The following ZNF521 variants were observed in gnomAD, a reference collection of about 807,000 sequenced individuals.
ZNF521 encodes the protein zinc finger protein 521.
In ZNF521, 14 loss-of-function variants were observed where a neutral mutation model predicts 105.5. The ratio of observed to expected loss-of-function variants is 0.13; its 90% CI spans 0.09 to 0.21. ZNF521 has a LOEUF of 0.21. Ranked by LOEUF, ZNF521 falls within the 10% of genes least tolerant of loss-of-function variation. ZNF521 has a pLI of 1.00. For synonymous variants in ZNF521, 635 were observed against 606.0 expected (o/e 1.05, Z -0.70); for missense variants, 1,233 against 1,629.7 (o/e 0.76, Z 4.19).
At chr18:25,148,809 A>C (rs1455268899) in intron 5 of ZNF521, among the ~76,000 whole-genome samples, 1 of 152,210 alleles carries the variant, frequency 6.6e-6, no homozygotes, top group Admixed American at 6.5e-5. Flanking sequence ...TGATATTTTA[A>C]TGCTTAACAT....
chr18:25,151,543 A>G (rs1352676066), intron 5 of ZNF521, among the ~76,000 whole-genome samples: 1 of 152,184 alleles, frequency 6.6e-6, no homozygotes, highest in African/African-American at 2.4e-5. Flanking sequence ...AACTTTGAAG[A>G]CTGGACCAGG....
chr18:25,141,873 G>A (rs906878387), intron 5 of ZNF521, among the ~76,000 whole-genome samples: 5 of 152,096 alleles, frequency 3.3e-5, no homozygotes, highest in South Asian at 2.1e-4. Flanking sequence ...TACGACTGTC[G>A]GTGACCAGTG....
chr18:25,124,536 T>C (rs888896977), intron 5 of ZNF521, among the ~76,000 whole-genome samples: 5 of 152,178 alleles, frequency 3.3e-5, no homozygotes, highest in Non-Finnish European at 7.4e-5. Flanking sequence ...CCATCCTTTA[T>C]TTTTTGCTTC....
chr18:25,222,397 T>C (rs1346954202), intron 4 of ZNF521, among the ~76,000 whole-genome samples: 1 of 152,170 alleles, frequency 6.6e-6, no homozygotes, highest in Non-Finnish European at 1.5e-5. Flanking sequence ...AAATATTTCC[T>C]CTTAGATGTT....
At chr18:25,166,921 C>A (rs1255331832) in intron 5 of ZNF521, among the ~76,000 whole-genome samples, 1 of 152,166 alleles carries the variant, frequency 6.6e-6, no homozygotes, top group Non-Finnish European at 1.5e-5. Context: ...TATTATTGAG[C>A]TAATATGCTA....
chr18:25,150,891 C>CTTTTTTT (rs559303954), intron 5 of ZNF521, among the ~76,000 whole-genome samples: 4 of 132,200 alleles, frequency 3.0e-5, no homozygotes, highest in African/African-American at 2.8e-5. Context: ...TTTCTTTTTT[C>CTTTTTTT]TTTTTTTTTT....
At position 25,195,259 on chromosome 18, in the gene ZNF521, A is replaced by T; in HGVS notation, c.3574-15T>A. The stretch of plus-strand genomic sequence containing the variant: ...TAGGTCTTCTTCTGAGAAAACAAGT[A>T]TAAACAGAGTTACTTAGACACATGG... On this transcript the variant is annotated splice_polypyrimidine_tract_variant and intron_variant, in intron 4 of 7. Coordinates refer to ENST00000361524, the MANE Select transcript of ZNF521 (RefSeq NM_015461.3). 6.4e-7 allele frequency: 1 copy of T among 1,557,958 alleles called. No individual in the cohort carries two copies. The highest frequency in any genetic ancestry group is 1.2e-5 in the South Asian group (1 of 85,112).
intron 5 of ZNF521, among the ~76,000 whole-genome samples, chr18:25,134,794 T>C (rs944956140): frequency 6.6e-6 from 1 of 152,074 alleles, no homozygotes; most frequent in African/African-American, 2.4e-5. Flanking sequence ...ATCAAGCTCA[T>C]GATTCCAGCT....
In ZNF521 at chr18:25,144,913, C is replaced by T. The variant is rs149360989; in HGVS notation, c.3658+50247G>A. ...TGCAGTGCTAAGCCCCCATTTATAT[C>T]ATACAAAACTCAGTTATCCCACAGA... On this transcript the variant is annotated intron_variant, in intron 5 of 7. Coordinates refer to ENST00000361524, the MANE Select transcript of ZNF521 (RefSeq NM_015461.3). 1.8e-4 allele frequency among the ~76,000 whole-genome samples: 28 copies of T among 152,292 alleles called. No individual in the cohort carries two copies. The East Asian group carries it at 4.1e-3, about 22-fold the overall frequency.
intron 7 of ZNF521, among the ~76,000 whole-genome samples, chr18:25,070,639 G>C (rs1487399691): frequency 2.0e-5 from 3 of 152,056 alleles, no homozygotes. Flanking sequence ...TTTGTTGCAG[G>C]GGGTTGTCCT....
chr18:25,126,698 A>G (rs2034545402), intron 5 of ZNF521, among the ~76,000 whole-genome samples: 1 of 152,124 alleles, frequency 6.6e-6, no homozygotes, highest in Admixed American at 6.6e-5. Context: ...TACATTAGAG[A>G]TAAGCACAAT....
intron 5 of ZNF521, among the ~76,000 whole-genome samples, chr18:25,188,765 T>G (rs954631847): frequency 2.0e-5 from 3 of 152,226 alleles, no homozygotes; most frequent in Non-Finnish European, 2.9e-5. Flanking sequence ...GTCTCTGTGC[T>G]GAGCCTAGGA....
intron 5 of ZNF521, among the ~76,000 whole-genome samples, chr18:25,095,277 C>T (rs905130366): frequency 1.3e-5 from 2 of 152,130 alleles, no homozygotes; most frequent in African/African-American, 2.4e-5. Context: ...TGAATTGTGT[C>T]TTTCCTCCTC....
intron 7 of ZNF521, among the ~76,000 whole-genome samples, chr18:25,085,655 G>A (rs199787623): frequency 1.2e-3 from 30 of 24,872 alleles, no homozygotes; most frequent in Non-Finnish European, 3.6e-3. Context: ...ATATATATAT[G>A]TGTGTGTGTG....
At chr18:25,240,947 T>TAA (rs35790866) in intron 3 of ZNF521, among the ~76,000 whole-genome samples, 2 of 117,932 alleles carry the variant, frequency 1.7e-5, no homozygotes, top group East Asian at 2.4e-4. Context: ...AACCAGATAT[T>TAA]AAAAAAAAAA....
chr18:25,276,403 TG>T (rs1327264996), intron 3 of ZNF521, among the ~76,000 whole-genome samples: 2 of 152,234 alleles, frequency 1.3e-5, no homozygotes, highest in Non-Finnish European at 2.9e-5. Flanking sequence ...TCTTTCCTCT[TG>T]GGAAGAATTT....
chr18:25,292,888 C>G (rs941788856), intron 3 of ZNF521, among the ~76,000 whole-genome samples: 1 of 152,104 alleles, frequency 6.6e-6, no homozygotes, highest in East Asian at 1.9e-4. Flanking sequence ...AACCTGAATC[C>G]AAGGTAGGAC....
chr18:25,237,315 T>TA (rs1906969049), intron 3 of ZNF521, among the ~76,000 whole-genome samples: 1 of 152,202 alleles, frequency 6.6e-6, no homozygotes, highest in South Asian at 2.1e-4. Flanking sequence ...ATTTGACACT[T>TA]AATAGGACTA....
intron 3 of ZNF521, among the ~76,000 whole-genome samples, chr18:25,245,218 A>C (rs1011349898): frequency 6.6e-6 from 1 of 152,196 alleles, no homozygotes; most frequent in African/African-American, 2.4e-5. Context: ...TAGAATGCAT[A>C]ATTTTTTGAC....
Sources: allele counts gnomAD v4.1 joint callset (sites outside exome capture counted in the v4.1 genomes callset), GRCh38; gene constraint gnomAD v4.1.1; transcripts MANE v1.5; gene names NCBI Gene and HGNC (gene_info 2026-07-23, HGNC 2026-07-21).